The following XRRA1 variants were observed in gnomAD, a reference collection of about 807,000 sequenced individuals.
The protein encoded by XRRA1 is X-ray radiation resistance associated 1, also known as X-ray radiation resistance-associated protein 1.
Under a neutral mutation model 80.2 loss-of-function variants are expected in XRRA1, and 69 were observed. The observed-to-expected ratio is 0.86, with a 90% confidence interval of 0.71 to 1.05. The LOEUF (loss-of-function observed/expected upper bound fraction) is 1.05. Among genes scored for constraint, XRRA1 ranks in the 50% least tolerant of loss-of-function variants. The probability of loss-of-function intolerance (pLI) is 0.00; values close to 1 mark genes in which losing one functional copy is unlikely to be tolerated. For synonymous variants in XRRA1, 348 were observed against 389.9 expected (o/e 0.89, Z 1.27); for missense variants, 967 against 976.4 (o/e 0.99, Z 0.13).
At chr11:74,891,817 G>GAATA (rs2050787328) in intron 10 of XRRA1, among the ~76,000 whole-genome samples, 1 of 152,136 alleles carries the variant, frequency 6.6e-6, no homozygotes, top group Non-Finnish European at 1.5e-5. Context: ...GCTTCAAAGA[G>GAATA]AATAAAATAC....
intron 6 of XRRA1, among the ~76,000 whole-genome samples, chr11:74,929,318 C>T (rs2139331213): frequency 1.3e-5 from 2 of 152,208 alleles, no homozygotes; most frequent in East Asian, 3.9e-4. Context: ...ATCCTCTGCA[C>T]CCTTCTTGTC....
At chr11:74,859,100 T>G in intron 12 of XRRA1, 58 bp downstream of exon 12, 1 of 1,518,940 alleles carries the variant, frequency 6.6e-7, no homozygotes, top group South Asian at 1.3e-5. Flanking sequence ...CCAGAGCAAC[T>G]TGCATCCCAC....
chr11:74,885,497 C>A (rs1258169391), intron 10 of XRRA1, among the ~76,000 whole-genome samples: 1 of 152,078 alleles, frequency 6.6e-6, no homozygotes, highest in Non-Finnish European at 1.5e-5. Context: ...TGGACACATA[C>A]AACCACCCAA....
intron 6 of XRRA1, among the ~76,000 whole-genome samples, chr11:74,929,292 G>GTC (rs147009951): frequency 2.6e-5 from 4 of 151,394 alleles, no homozygotes; most frequent in African/African-American, 4.8e-5. Context: ...ATCTCTGTCT[G>GTC]TCTCTCTCTC....
chr11:74,846,731 G>C (rs2038293685), intron 15 of XRRA1, among the ~76,000 whole-genome samples: 1 of 152,058 alleles, frequency 6.6e-6, no homozygotes, highest in Non-Finnish European at 1.5e-5. Flanking sequence ...ACTAGGAATA[G>C]AAAGTAACTT....
intron 8 of XRRA1, 21 bp from the exon 9 acceptor site, chr11:74,907,294 G>C: frequency 1.2e-6 from 2 of 1,613,352 alleles, no homozygotes; most frequent in South Asian, 1.1e-5. Flanking sequence ...AAAGATCTTG[G>C]GTAATGAGCA....
chr11:74,946,287 G>C (rs932941075), intron 1 of XRRA1, among the ~76,000 whole-genome samples: 2 of 152,126 alleles, frequency 1.3e-5, no homozygotes, highest in Non-Finnish European at 2.9e-5. Context: ...GTTAGGCTTT[G>C]TGTCCCCACC....
chr11:74,946,642 C>G (rs190467727), intron 1 of XRRA1, among the ~76,000 whole-genome samples: 268 of 152,330 alleles, frequency 1.8e-3, no homozygotes, highest in African/African-American at 6.1e-3. Context: ...CTAATACAGG[C>G]ACTATACCAC....
intron 7 of XRRA1, among the ~76,000 whole-genome samples, chr11:74,923,399 G>C (rs1202024685): frequency 6.6e-6 from 1 of 152,196 alleles, no homozygotes; most frequent in Non-Finnish European, 1.5e-5. Context: ...CTTGGCTGGA[G>C]CAAACAGAGA....
At chr11:74,906,968 T>G (rs1165757753) in intron 9 of XRRA1, 177 bp downstream of exon 9, 3 of 783,862 alleles carry the variant, frequency 3.8e-6, no homozygotes, top group African/African-American at 3.5e-5. Context: ...TCATGGCCAT[T>G]TTTATGGAGG....
intron 10 of XRRA1, among the ~76,000 whole-genome samples, chr11:74,898,175 A>G (rs1240561936): frequency 6.6e-6 from 1 of 152,204 alleles, no homozygotes; most frequent in Non-Finnish European, 1.5e-5. Flanking sequence ...TGTTTGTGCA[A>G]TCAGTGTTAA....
At chr11:74,868,738 A>AT (rs2044059122) in intron 10 of XRRA1, among the ~76,000 whole-genome samples, 1 of 151,946 alleles carries the variant, frequency 6.6e-6, no homozygotes, top group Non-Finnish European at 1.5e-5. Context: ...ACCAACAAAG[A>AT]TTAAAAAAAA....
intron 6 of XRRA1, among the ~76,000 whole-genome samples, chr11:74,928,762 C>T (rs575911892): frequency 7.9e-5 from 12 of 152,198 alleles, no homozygotes; most frequent in African/African-American, 1.9e-4. Context: ...CAGCCTTGTA[C>T]GAGTGTGTTA....
At chr11:74,921,377 G>C in intron 7 of XRRA1, 30 bp from the exon 8 acceptor site, 1 of 1,612,926 alleles carries the variant, frequency 6.2e-7, no homozygotes, top group Non-Finnish European at 8.5e-7. Context: ...GATGGGGAAG[G>C]TAAGCACTCT....
intron 8 of XRRA1, chr11:74,919,496 G>T: frequency 3.8e-6 from 1 of 266,100 alleles, no homozygotes; most frequent in Non-Finnish European, 7.4e-6. Flanking sequence ...CCATCTATTT[G>T]TAATACCTTG....
chr11:74,915,820 T>G (rs1234569646), intron 8 of XRRA1, among the ~76,000 whole-genome samples: 1 of 152,182 alleles, frequency 6.6e-6, no homozygotes, highest in Non-Finnish European at 1.5e-5. Flanking sequence ...CCTGCAAAAC[T>G]CCCTCCAGTA....
chr11:74,897,598 G>A (rs763924051), intron 10 of XRRA1, among the ~76,000 whole-genome samples: 1 of 150,702 alleles, frequency 6.6e-6, no homozygotes, highest in African/African-American at 2.4e-5. Flanking sequence ...CCTAAAAGCA[G>A]TAAGAGATAA....
chr11:74,875,379 G>A (rs1393497240), intron 10 of XRRA1, among the ~76,000 whole-genome samples: 1 of 152,100 alleles, frequency 6.6e-6, no homozygotes, highest in African/African-American at 2.4e-5. Flanking sequence ...CTTCTCAAGG[G>A]TATACTTTTC....
At chr11:74,890,642 T>A (rs1418429211) in intron 10 of XRRA1, among the ~76,000 whole-genome samples, 1 of 151,722 alleles carries the variant, frequency 6.6e-6, no homozygotes, top group African/African-American at 2.4e-5. Flanking sequence ...TCAACAAAAT[T>A]GATAGACCGC....
Sources: gnomAD v4.1 joint callset for allele counts (sites outside exome capture counted in the v4.1 genomes callset) on GRCh38, gnomAD v4.1.1 for gene constraint, MANE v1.5 for transcripts, NCBI Gene and HGNC (gene_info 2026-07-23, HGNC 2026-07-21) for gene names.